The following MCC variants were observed in gnomAD, a reference collection of about 807,000 sequenced individuals.
MCC encodes the protein colorectal mutant cancer protein.
MCC carries 90 observed loss-of-function variants against 116.2 expected under a neutral mutation model. The observed-to-expected ratio is 0.77, with a 90% CI of 0.65 to 0.92. MCC has a LOEUF of 0.92. MCC is among the 40% of genes least tolerant of loss of function. The pLI, the probability that MCC is intolerant of heterozygous loss-of-function variation, is 0.00. For synonymous variants in MCC, 578 were observed against 510.5 expected, an observed-to-expected ratio of 1.13 and a Z score of -1.78; for missense variants, 1,516 against 1,312.2, an observed-to-expected ratio of 1.16 and a Z score of -2.40.
At chr5:113,294,967 T>C (rs965967692) in intron 3 of MCC, 14 of 984,356 alleles carry the variant, frequency 1.4e-5, no homozygotes, top group African/African-American at 1.2e-4. Context: ...CACAGCTGTC[T>C]AGCTGCTGGC....
At chr5:113,254,370 C>G (rs1430180795) in intron 3 of MCC, among the ~76,000 whole-genome samples, 1 of 151,988 alleles carries the variant, frequency 6.6e-6, no homozygotes, top group African/African-American at 2.4e-5. Context: ...TAGAATTAAG[C>G]CAAGAATAAA....
chr5:113,333,871 A>ACATATGTACATATATGTACATATG (rs1561527971), intron 3 of MCC, among the ~76,000 whole-genome samples: 1 of 129,686 alleles, frequency 7.7e-6, no homozygotes, highest in African/African-American at 2.9e-5. Flanking sequence ...GTATATATGT[A>ACATATGTACATATATGTACATATG]TTCACATATA....
At chr5:113,088,895 C>T (rs564210239) in intron 8 of MCC, among the ~76,000 whole-genome samples, 117 of 152,234 alleles carry the variant, frequency 7.7e-4, no homozygotes, top group African/African-American at 2.7e-3. Flanking sequence ...GAGATTTTCC[C>T]GTTTTAGCCT....
Position 113,434,675 on chromosome 5 carries a change from T to C in MCC, c.171-49463A>G, listed in dbSNP as rs932829264. 2.5e-6 allele frequency: 4 copies of C among 1,613,976 alleles called. No individual in the cohort carries two copies. Among genetic ancestry groups the C allele is most frequent in the Non-Finnish European group, 3.4e-6 (4 of 1,179,890 alleles). On this transcript the variant is annotated intron_variant, in intron 1 of 18. Coordinates refer to ENST00000408903, the MANE Select transcript of MCC (RefSeq NM_001085377.2). This position sits in a 1 kb window ranked among gnomAD's most constrained non-coding sequence, Gnocchi z 4.2. The stretch of plus-strand genomic sequence containing the variant: ...GAATCTCAATTTCCCGGGGAAGGAA[T>C]TTCTCCAAGAAGTCTGCGGGGGCCT...
chr5:113,473,170 G>T (rs1772140275), intron 1 of MCC, among the ~76,000 whole-genome samples: 1 of 152,124 alleles, frequency 6.6e-6, no homozygotes, highest in Non-Finnish European at 1.5e-5. Flanking sequence ...CTTATGAAAA[G>T]TAGACTACAA....
rs756692400 is a variant in MCC at position 113,434,163 on chromosome 5, C to T, written c.171-48951G>A. 63 of 1,614,040 alleles carry T rather than the reference C, an allele frequency of 3.9e-5. No homozygotes were observed. The highest frequency in any genetic ancestry group is 8.8e-5 in the South Asian group (8 of 91,086). Reference sequence around the variant, plus strand: ...GTTGACGCGGTGCTCCTTCTGGATACGCAGCATCTTCTTGATGTTGGAGTC... The same window carrying T: ...GTTGACGCGGTGCTCCTTCTGGATATGCAGCATCTTCTTGATGTTGGAGTC... On this transcript the variant is annotated intron_variant, in intron 1 of 18. Coordinates refer to ENST00000408903, the MANE Select transcript of MCC (RefSeq NM_001085377.2). This position sits in a 1 kb window ranked among gnomAD's most constrained non-coding sequence, Gnocchi z 4.2.
intron 3 of MCC, among the ~76,000 whole-genome samples, chr5:113,246,582 T>C (rs867803932): frequency 1.3e-5 from 2 of 152,210 alleles, no homozygotes; most frequent in Non-Finnish European, 2.9e-5. Context: ...GCGAATCCTA[T>C]TTTGGATACA....
intron 3 of MCC, among the ~76,000 whole-genome samples, chr5:113,323,680 T>C (rs1055417355): frequency 1.3e-5 from 2 of 152,206 alleles, no homozygotes; most frequent in Admixed American, 1.3e-4. Flanking sequence ...ACATTGGGAA[T>C]CCTTTCATGA....
At chr5:113,194,729 C>G (rs916300154) in intron 3 of MCC, among the ~76,000 whole-genome samples, 6 of 152,038 alleles carry the variant, frequency 3.9e-5, no homozygotes, top group African/African-American at 1.2e-4. Flanking sequence ...GAGAAGAGGC[C>G]TCCTGATTCC....
rs544439862 is a variant in MCC at position 113,122,585 on chromosome 5, A to G, written c.1027+99T>C. The G allele has an allele frequency of 8.4e-6, 12 of 1,436,616 alleles. No homozygotes were observed. The South Asian group carries it at 1.5e-4, about 18-fold the overall frequency. The allele number at this position is 1,436,616 out of a possible 1,614,324, so 89.0% of individuals were successfully genotyped here. ...CTTCATCCACTCAGCAAACCCCTTGAAAAATTAAATTTTAATTCAGGCTGC... is the reference window on the plus strand; with the variant it reads ...CTTCATCCACTCAGCAAACCCCTTGGAAAATTAAATTTTAATTCAGGCTGC... On this transcript the variant is annotated intron_variant, in intron 6 of 18. Coordinates refer to ENST00000408903, the MANE Select transcript of MCC (RefSeq NM_001085377.2).
chr5:113,199,191 A>C (rs12656003), intron 3 of MCC, among the ~76,000 whole-genome samples: 79,490 of 151,746 alleles, frequency 0.52, 24,102 homozygotes, highest in East Asian at 0.72. Flanking sequence ...AAAAAGAAAG[A>C]AATGAAATCA....
intron 4 of MCC, among the ~76,000 whole-genome samples, chr5:113,144,839 TC>T (rs1240852630): frequency 1.3e-5 from 2 of 152,196 alleles, no homozygotes; most frequent in Non-Finnish European, 2.9e-5. Flanking sequence ...GAACTACTAC[TC>T]TTAGTGACAA....
chr5:113,320,354 G>A (rs1767388485), intron 3 of MCC, among the ~76,000 whole-genome samples: 1 of 148,244 alleles, frequency 6.7e-6, no homozygotes, highest in African/African-American at 2.5e-5. Flanking sequence ...TATAGAAACT[G>A]AAAGAAATGC....
intron 2 of MCC, among the ~76,000 whole-genome samples, chr5:113,345,241 T>C (rs1768105371): frequency 6.6e-6 from 1 of 152,012 alleles, no homozygotes; most frequent in Non-Finnish European, 1.5e-5. Flanking sequence ...CATAGCCATA[T>C]TAGAATAGAG....
rs1750230135 is a variant in MCC, at chr5:113,022,698, C to G, written c.*4604G>C. 2.0e-5 allele frequency: 3 copies of G among 152,138 alleles called. No homozygotes were observed. The highest frequency in any genetic ancestry group is 4.4e-5 in the Non-Finnish European group (3 of 68,030). The allele number at this position is 152,138 out of a possible 1,614,324, so 9.4% of individuals were successfully genotyped here. Reference sequence around the variant, plus strand: ...AAAAGTGCAAAAGGGAATGGTAGAACCAGAATTACTAAGTACGGCATCAGT... The same window carrying G: ...AAAAGTGCAAAAGGGAATGGTAGAAGCAGAATTACTAAGTACGGCATCAGT... On this transcript the variant is annotated 3_prime_UTR_variant, in exon 19 of 19. Transcript: ENST00000408903.
chr5:113,064,113 C>T lies in MCC; in HGVS notation c.2084G>A (p.Cys695Tyr). Reference sequence around the variant, plus strand: ...GGCAGCGTTCTCAGCTGTCTTCCGGCAGTCATGAGCTCGCTTGAGCATCTG... The same window carrying T: ...GGCAGCGTTCTCAGCTGTCTTCCGGTAGTCATGAGCTCGCTTGAGCATCTG... Reference protein sequence around the residue: ...ITQMLKRAHDCRKTAENAAKA... With the variant: ...ITQMLKRAHDYRKTAENAAKA... The change falls in exon 14 of 19, where the codon TGC (cysteine) becomes TAC (tyrosine). Residue 695 changes from cysteine to tyrosine, a missense_variant. Transcript: ENST00000408903. 4 of 1,614,118 alleles carry T rather than the reference C, an allele frequency of 2.5e-6. No homozygotes were observed. The highest frequency in any genetic ancestry group is 3.4e-6 in the Non-Finnish European group (4 of 1,179,980).
intron 3 of MCC, among the ~76,000 whole-genome samples, chr5:113,288,672 G>C (rs1028764908): frequency 1.3e-5 from 2 of 152,168 alleles, no homozygotes; most frequent in Admixed American, 6.5e-5. Flanking sequence ...TATTAAAATA[G>C]AATACTCCCT....
intron 3 of MCC, among the ~76,000 whole-genome samples, chr5:113,233,371 C>T (rs900625320): frequency 6.6e-6 from 1 of 152,132 alleles, no homozygotes; most frequent in Non-Finnish European, 1.5e-5. Context: ...ATGTCTACCC[C>T]AAATGCCTCT....
At chr5:113,387,693 C>G (rs901208068) in intron 1 of MCC, among the ~76,000 whole-genome samples, 1 of 152,078 alleles carries the variant, frequency 6.6e-6, no homozygotes, top group Non-Finnish European at 1.5e-5. Context: ...TATTATACTA[C>G]TTTCATAAAT....
Sources: gnomAD v4.1 joint callset for allele counts (sites outside exome capture counted in the v4.1 genomes callset) on GRCh38, gnomAD v4.1.1 for gene constraint, Gnocchi (gnomAD v3.1) non-coding constraint, MANE v1.5 for transcripts, NCBI Gene and HGNC (gene_info 2026-07-23, HGNC 2026-07-21) for gene names.